GRM1: variants seen among roughly 807,000 people sequenced by gnomAD.
The protein encoded by GRM1 is glutamate metabotropic receptor 1.
A neutral mutation model predicts 90.9 loss-of-function variants in GRM1; 33 were observed. The ratio of observed to expected loss-of-function variants is 0.36; its 90% CI spans 0.28 to 0.49. The LOEUF (loss-of-function observed/expected upper bound fraction) is 0.49. Ranked by LOEUF, GRM1 falls within the 20% of genes least tolerant of loss-of-function variation. The pLI is 0.99. For missense variants in GRM1, 1,190 were observed against 1,534.3 expected, an observed-to-expected ratio of 0.78 and a Z score of 3.75; for synonymous variants, 700 against 613.2, an observed-to-expected ratio of 1.14 and a Z score of -2.09.
chr6:146,080,927 G>T lies in GRM1; in HGVS notation c.700+50710G>T, dbSNP rs552170371. ...TTCCTACTGAATTTCCCACACCCAC[G>T]GTGGAGTGGGAACAGCTAAATGTTT... On this transcript the variant is annotated intron_variant, in intron 1 of 7. Coordinates refer to ENST00000282753, the MANE Select transcript of GRM1 (RefSeq NM_001278064.2). Among the ~76,000 whole-genome samples, 19 of 152,282 alleles carry T rather than the reference G, an allele frequency of 1.2e-4. No individual in the cohort carries two copies. In the South Asian group the frequency reaches 3.9e-3, roughly 32 times the overall value.
chr6:146,275,924 T>C (rs1035951420), intron 2 of GRM1, among the ~76,000 whole-genome samples: 1 of 152,180 alleles, frequency 6.6e-6, no homozygotes, highest in African/African-American at 2.4e-5. Flanking sequence ...CTTGGGTCTG[T>C]TGAAAATATT....
Position 146,029,844 on chromosome 6 carries a change from C to T in GRM1, c.327C>T (p.Cys109=), listed in dbSNP as rs1790646266. 1.2e-6 allele frequency: 2 copies of T among 1,614,030 alleles called. No homozygotes were observed. The highest frequency in any genetic ancestry group is 1.7e-6 in the Non-Finnish European group (2 of 1,180,010). ...ITLGSEIRDS[C]WHSSVALEQS... ...TGGGCAGTGAGATCCGGGACTCCTG[C>T]TGGCACTCTTCCGTGGCTCTGGAAC... The change falls in exon 1 of 8, where the codon TGC becomes TGT. Residue 109 remains cysteine (C), a synonymous_variant. Transcript: ENST00000282753.
At chr6:146,148,855 T>C (rs188842393) in intron 1 of GRM1, among the ~76,000 whole-genome samples, 1 of 152,304 alleles carries the variant, frequency 6.6e-6, no homozygotes, top group Admixed American at 6.5e-5. Context: ...TCTGAACTTG[T>C]TGTTGCTATA....
chr6:146,238,839 C>A (rs1780745922), intron 2 of GRM1, among the ~76,000 whole-genome samples: 1 of 152,080 alleles, frequency 6.6e-6, no homozygotes, highest in Non-Finnish European at 1.5e-5. Context: ...TGCTCTTTCC[C>A]TAATATGCAC....
chr6:146,427,963 G>A (rs956151862), intron 7 of GRM1, among the ~76,000 whole-genome samples: 6 of 152,172 alleles, frequency 3.9e-5, no homozygotes, highest in African/African-American at 1.4e-4. Context: ...AGAGAGGAGA[G>A]TTGACTGACA....
chr6:146,203,286 G>A (rs186505797), intron 2 of GRM1, among the ~76,000 whole-genome samples: 68 of 152,102 alleles, frequency 4.5e-4, no homozygotes, highest in African/African-American at 1.6e-3. Context: ...TTTATTTCCT[G>A]GTCATGTAAC....
rs1778214399 is a variant in GRM1 at position 146,426,464 on chromosome 6, C to G, written c.2661-7408C>G. The G allele has an allele frequency of 3.5e-6, 4 of 1,141,176 alleles. No homozygotes were observed. The Admixed American group carries it at 7.9e-5, about 23-fold the overall frequency. The allele number at this position is 1,141,176 out of a possible 1,614,324, so 70.7% of individuals were successfully genotyped here. A position where few individuals can be genotyped will look rare whatever the true frequency, so the allele number is the denominator to read the frequency against. On this transcript the variant is annotated intron_variant, in intron 7 of 7. Coordinates refer to ENST00000282753, the MANE Select transcript of GRM1 (RefSeq NM_001278064.2). ...GGTGGAGGCAATACAGAGCAAGGCT[C>G]AGGGCCAGGCACTGCCTGAGTGGTG...
At chr6:146,241,983 T>C (rs549693895) in intron 2 of GRM1, among the ~76,000 whole-genome samples, 134 of 152,248 alleles carry the variant, frequency 8.8e-4, no homozygotes, top group Non-Finnish European at 1.5e-3. Flanking sequence ...TGAAGTATCT[T>C]ACAGCAATAT....
chr6:146,240,687 G>A (rs1009877443), intron 2 of GRM1, among the ~76,000 whole-genome samples: 2 of 152,106 alleles, frequency 1.3e-5, no homozygotes, highest in Non-Finnish European at 2.9e-5. Context: ...AGAAGGCTCT[G>A]GAAGGGAAAA....
At chr6:146,045,899 A>G (rs1791313412) in intron 1 of GRM1, among the ~76,000 whole-genome samples, 1 of 151,680 alleles carries the variant, frequency 6.6e-6, no homozygotes, top group Non-Finnish European at 1.5e-5. Flanking sequence ...CAGATGTTAT[A>G]TTTTTCTCAA....
intron 2 of GRM1, among the ~76,000 whole-genome samples, chr6:146,252,025 C>T (rs969535475): frequency 6.6e-6 from 1 of 152,164 alleles, no homozygotes; most frequent in African/African-American, 2.4e-5. Flanking sequence ...TCTGTCCTGA[C>T]ACTTCCTTAC....
chr6:146,397,484 GAA>G (rs577471775), intron 6 of GRM1, among the ~76,000 whole-genome samples: 286 of 45,040 alleles, frequency 6.3e-3, no homozygotes, highest in South Asian at 0.013. Context: ...AAAAAAAAAA[GAA>G]AAAAAAAAAA....
intron 2 of GRM1, among the ~76,000 whole-genome samples, chr6:146,267,788 C>A (rs1781975019): frequency 6.6e-6 from 1 of 151,220 alleles, no homozygotes; most frequent in Middle Eastern, 3.4e-3. Flanking sequence ...GCTTTATATT[C>A]ACTGGTGGCT....
intron 1 of GRM1, among the ~76,000 whole-genome samples, chr6:146,100,492 A>G (rs1283655691): frequency 6.6e-6 from 1 of 152,160 alleles, no homozygotes; most frequent in Admixed American, 6.5e-5. Flanking sequence ...TACAGTTCCA[A>G]AGATTAAAAA....
intron 1 of GRM1, among the ~76,000 whole-genome samples, chr6:146,122,336 A>C (rs1474450944): frequency 1.3e-5 from 2 of 151,694 alleles, no homozygotes; most frequent in African/African-American, 4.8e-5. Context: ...TTATCTTTGG[A>C]GTTTTCAAAT....
chr6:146,066,286 A>C (rs539219361), intron 1 of GRM1, among the ~76,000 whole-genome samples: 85 of 152,072 alleles, frequency 5.6e-4, no homozygotes, highest in Non-Finnish European at 1.1e-3. Flanking sequence ...GTATACTCAG[A>C]TTTTAGCTCC....
intron 2 of GRM1, among the ~76,000 whole-genome samples, chr6:146,292,614 A>G (rs911268154): frequency 2.6e-5 from 4 of 151,990 alleles, no homozygotes; most frequent in African/African-American, 9.7e-5. Flanking sequence ...AAAAATGTAG[A>G]TAACAATAAT....
chr6:146,032,598 T>A, intron 1 of GRM1, among the ~76,000 whole-genome samples: 1 of 152,130 alleles, frequency 6.6e-6, no homozygotes, highest in East Asian at 1.9e-4. Flanking sequence ...CAGTTCCCTG[T>A]CAAATAGCAG....
chr6:146,389,404 A>T (rs1166512400), intron 6 of GRM1, among the ~76,000 whole-genome samples: 1 of 134,494 alleles, frequency 7.4e-6, no homozygotes, highest in African/African-American at 2.9e-5. Context: ...ATTTTAAAAC[A>T]CTAAGATAAA....
Sources: allele counts gnomAD v4.1 joint callset (sites outside exome capture counted in the v4.1 genomes callset), GRCh38; gene constraint gnomAD v4.1.1; transcripts MANE v1.5; gene names NCBI Gene and HGNC (gene_info 2026-07-23, HGNC 2026-07-21).